Variants in TENM3 observed in about 807,000 individuals in gnomAD.
The protein encoded by TENM3 is teneurin-3.
TENM3 carries 63 observed loss-of-function variants against 255.1 expected under a neutral mutation model. The observed-to-expected ratio is 0.25, with a 90% CI of 0.20 to 0.30. The LOEUF is 0.30. Among genes scored for constraint, TENM3 ranks in the 10% least tolerant of loss-of-function variants. The probability of loss-of-function intolerance (pLI) is 1.00; values close to 1 mark genes in which losing one functional copy is unlikely to be tolerated. For missense variants in TENM3, 2,929 were observed against 3,461.1 expected, an observed-to-expected ratio of 0.85 and a Z score of 3.86; for synonymous variants, 1,306 against 1,322.3, an observed-to-expected ratio of 0.99 and a Z score of 0.27.
At chr4:182,653,111 T>C (rs1753462588) in intron 5 of TENM3, among the ~76,000 whole-genome samples, 1 of 152,138 alleles carries the variant, frequency 6.6e-6, no homozygotes, top group African/African-American at 2.4e-5. Context: ...TTAATAAATG[T>C]ATTAAATATA....
At chr4:182,287,165 C>T (rs962764179) in intron 1 of TENM3, among the ~76,000 whole-genome samples, 1 of 152,194 alleles carries the variant, frequency 6.6e-6, no homozygotes, top group Non-Finnish European at 1.5e-5. Flanking sequence ...GAGTTCAAGA[C>T]TCCAGTGAGC....
intron 3 of TENM3, among the ~76,000 whole-genome samples, chr4:182,575,739 A>C (rs1185194175): frequency 1.3e-5 from 2 of 152,190 alleles, no homozygotes; most frequent in Non-Finnish European, 2.9e-5. Flanking sequence ...TATTTGGGGA[A>C]ATCAAAACAT....
At chr4:182,108,806 C>T in the TENM3 span, among the ~76,000 whole-genome samples, 4 of 152,178 alleles carry the variant, frequency 2.6e-5, no homozygotes, top group African/African-American at 9.7e-5. Context: ...TAAGCAACCT[C>T]AAGTCTTTCA....
the TENM3 span, among the ~76,000 whole-genome samples, chr4:181,538,344 T>C: frequency 6.6e-6 from 1 of 152,102 alleles, no homozygotes; most frequent in Admixed American, 6.6e-5. Context: ...TAAACATTCA[T>C]CTAGTCAAAA....
chr4:182,291,789 A>C (rs574100816), intron 1 of TENM3, among the ~76,000 whole-genome samples: 17 of 152,278 alleles, frequency 1.1e-4, no homozygotes, highest in African/African-American at 3.8e-4. Flanking sequence ...CGGGCTGCAG[A>C]GACACCCACA....
At chr4:182,057,358 A>T in the TENM3 span, among the ~76,000 whole-genome samples, 1 of 150,646 alleles carries the variant, frequency 6.6e-6, no homozygotes, top group Non-Finnish European at 1.5e-5. Flanking sequence ...AGTTATATCC[A>T]CTTAGACCCA....
intron 27 of TENM3, 42 bp downstream of exon 27, chr4:182,796,809 G>C: frequency 6.5e-7 from 1 of 1,532,156 alleles, no homozygotes; most frequent in Non-Finnish European, 8.9e-7. Context: ...TAAGTAGCTT[G>C]TGTCTTATCT....
At chr4:182,468,548 A>G (rs34953693) in intron 3 of TENM3, among the ~76,000 whole-genome samples, 43,895 of 152,068 alleles carry the variant, frequency 0.29, 7,583 homozygotes, top group East Asian at 0.5. Flanking sequence ...AAACTAACAC[A>G]TAACATCTGC....
chr4:181,652,102 A>G, the TENM3 span, among the ~76,000 whole-genome samples: 1 of 144,580 alleles, frequency 6.9e-6, no homozygotes, highest in East Asian at 2.1e-4. Context: ...TTTCAATCCC[A>G]TTTCTTTTCC....
At chr4:182,425,613 G>T (rs1029852320) in intron 3 of TENM3, among the ~76,000 whole-genome samples, 1 of 152,096 alleles carries the variant, frequency 6.6e-6, no homozygotes. Context: ...TTGATCCCTG[G>T]TTACTCTCTG....
chr4:181,664,607 TCTCTACAGA>T, the TENM3 span, among the ~76,000 whole-genome samples: 15 of 152,272 alleles, frequency 9.9e-5, no homozygotes, highest in South Asian at 3.1e-3. Flanking sequence ...ACCGTCAATG[TCTCTACAGA>T]CTTCCAAGCT....
chr4:181,496,203 A>C, the TENM3 span, among the ~76,000 whole-genome samples: 3 of 152,214 alleles, frequency 2.0e-5, no homozygotes, highest in Non-Finnish European at 4.4e-5. Context: ...GGAGAAACGA[A>C]ACTTGAGGAG....
the TENM3 span, among the ~76,000 whole-genome samples, chr4:181,728,981 A>G: frequency 1.3e-5 from 2 of 152,166 alleles, no homozygotes. Context: ...GAAGTTATTC[A>G]TTCAGTATAA....
intron 24 of TENM3, among the ~76,000 whole-genome samples, chr4:182,787,660 G>A (rs959172648): frequency 1.1e-4 from 17 of 149,996 alleles, no homozygotes; most frequent in Non-Finnish European, 1.5e-4. Flanking sequence ...CTTGAACCCC[G>A]GGAGGCGGAG....
chr4:182,523,283 A>G (rs1001754987), intron 3 of TENM3, among the ~76,000 whole-genome samples: 2 of 152,102 alleles, frequency 1.3e-5, no homozygotes, highest in Non-Finnish European at 2.9e-5. Context: ...GACACAGTTC[A>G]TAGACCAAAG....
At chr4:182,217,328 C>T (rs1001137369) in intron 1 of TENM3, among the ~76,000 whole-genome samples, 1 of 151,918 alleles carries the variant, frequency 6.6e-6, no homozygotes, top group Admixed American at 6.6e-5. Flanking sequence ...GCCTAAATTT[C>T]ACCATCGTTT....
At chr4:182,620,800 C>G (rs1750050158) in intron 4 of TENM3, among the ~76,000 whole-genome samples, 1 of 152,216 alleles carries the variant, frequency 6.6e-6, no homozygotes, top group East Asian at 1.9e-4. Flanking sequence ...GCAATCACAG[C>G]TCACTGCAGC....
At chr4:182,492,009 C>T (rs1242608947) in intron 3 of TENM3, among the ~76,000 whole-genome samples, 1 of 152,148 alleles carries the variant, frequency 6.6e-6, no homozygotes, top group Non-Finnish European at 1.5e-5. Context: ...CAGTGGACTG[C>T]ATCTACCCAG....
At chr4:182,618,264 G>A (rs1749736063) in intron 4 of TENM3, among the ~76,000 whole-genome samples, 1 of 151,968 alleles carries the variant, frequency 6.6e-6, no homozygotes, top group South Asian at 2.1e-4. Flanking sequence ...TTTCAATTGG[G>A]TCCCTATAAT....
Sources: gnomAD v4.1 joint callset for allele counts (sites outside exome capture counted in the v4.1 genomes callset) on GRCh38, gnomAD v4.1.1 for gene constraint, MANE v1.5 for transcripts, NCBI Gene and HGNC (gene_info 2026-07-23, HGNC 2026-07-21) for gene names.